The following ATP2A1 variants were observed in gnomAD, a reference collection of about 807,000 sequenced individuals.
The protein encoded by ATP2A1 is sarcoplasmic/endoplasmic reticulum calcium ATPase 1.
In ATP2A1, 83 loss-of-function variants were observed where a neutral mutation model predicts 109.5. The observed-to-expected ratio is 0.76, with a 90% CI of 0.63 to 0.91. The LOEUF (loss-of-function observed/expected upper bound fraction) is 0.91. Ranked by LOEUF, ATP2A1 falls within the 40% of genes least tolerant of loss-of-function variation. The pLI is 0.00. For synonymous variants in ATP2A1, 505 were observed against 537.6 expected, an observed-to-expected ratio of 0.94 and a Z score of 0.84; for missense variants, 1,101 against 1,341.0, an observed-to-expected ratio of 0.82 and a Z score of 2.80.
chr16:28,897,400 G>C lies in ATP2A1; in HGVS notation c.1420-600G>C, dbSNP rs1031657484. On this transcript the variant is annotated intron_variant, in intron 12 of 22. Coordinates refer to ENST00000395503, the MANE Select transcript of ATP2A1 (RefSeq NM_004320.6). ...GTCCCAGCTACTCAGCTGGCTGGGA[G>C]GCTGAGGCAGGAGGATTGCCAGAGC... 1.2e-4 allele frequency among the ~76,000 whole-genome samples: 19 copies of C among 152,128 alleles called. No individual in the cohort carries two copies. The East Asian group carries it at 3.7e-3, about 29-fold the overall frequency.
rs1265707290 is a variant in ATP2A1, at chr16:28,887,405, C to A, written c.631-20C>A. 6.2e-7 allele frequency: 1 copy of A among 1,613,956 alleles called. No individual in the cohort carries two copies. Among genetic ancestry groups the A allele is most frequent in the South Asian group, 1.1e-5 (1 of 91,068 alleles). On this transcript the variant is annotated intron_variant, in intron 7 of 22. Coordinates refer to ENST00000395503, the MANE Select transcript of ATP2A1 (RefSeq NM_004320.6). Reference sequence around the variant, plus strand: ...GGGTCACCTCTTGCCTGATTCCCTGCCTCCTCTTTCCCTTCCCAGGGCACC... The same window carrying A: ...GGGTCACCTCTTGCCTGATTCCCTGACTCCTCTTTCCCTTCCCAGGGCACC...
intron 5 of ATP2A1, 43 bp from the exon 6 acceptor site, chr16:28,884,532 T>A: frequency 6.4e-7 from 1 of 1,560,384 alleles, no homozygotes; most frequent in East Asian, 2.2e-5. Context: ...AGGAAGAAAA[T>A]TCCATTCCCA....
chr16:28,900,916 G>A lies in ATP2A1; in HGVS notation c.2100G>A (p.Met700Ile), dbSNP rs1437927275. 1 of 1,614,152 alleles carries A rather than the reference G, an allele frequency of 6.2e-7. No homozygotes were observed. The highest frequency in any genetic ancestry group is 1.7e-5 in the Admixed American group (1 of 60,022). Residue 700 changes from methionine to isoleucine, a missense_variant and splice_region_variant, in exon 15 of 23, where the codon ATG becomes ATA. By Grantham distance (10) the Met-to-Ile change is conservative (BLOSUM62 1). Transcript: ENST00000395503. The part of the protein sequence containing the change: ...YLQSYDEITA[M>I]TGDGVNDAPA... ...AGTCCTACGATGAGATCACAGCCAT[G>A]GTGAGAGGGCCCAGGCAGCTGCAGC...
In ATP2A1 at chr16:28,902,776, A is replaced by G; in HGVS notation, c.2611-2A>G. The G allele has an allele frequency of 6.2e-7, 1 of 1,613,910 alleles. No homozygotes were observed. Among genetic ancestry groups the G allele is most frequent in the Non-Finnish European group, 8.5e-7 (1 of 1,179,928 alleles). On this transcript the variant is annotated splice_acceptor_variant, in intron 18 of 22. Coordinates refer to ENST00000395503, the MANE Select transcript of ATP2A1 (RefSeq NM_004320.6). LOFTEE classifies it high-confidence loss of function. This position sits in a 1 kb window ranked among gnomAD's most constrained non-coding sequence, Gnocchi z 4.8. ...CCTCAGTCTCCCGTACCTTCCCTGCAGACTCACTTCATGCAGTGCACCGAG... is the reference window on the plus strand; with the variant it reads ...CCTCAGTCTCCCGTACCTTCCCTGCGGACTCACTTCATGCAGTGCACCGAG...
intron 22 of ATP2A1, 71 bp from the exon 23 acceptor site, chr16:28,904,109 G>A: frequency 7.2e-7 from 1 of 1,392,784 alleles, no homozygotes; most frequent in Non-Finnish European, 1.0e-6. Context: ...GTGCGTGCCT[G>A]GGAGATGCAC....
chr16:28,888,180 A>ATG (rs1963673547), intron 8 of ATP2A1, among the ~76,000 whole-genome samples: 2 of 151,760 alleles, frequency 1.3e-5, no homozygotes, highest in Non-Finnish European at 2.9e-5. Flanking sequence ...TTACAGGTGC[A>ATG]CGCCACCATG....
chr16:28,902,831 T>C lies in ATP2A1; in HGVS notation c.2664T>C (p.Cys888=). ...EDNTHFEGID[C]EVFEAPEPMT... ...ACACCCACTTTGAGGGCATAGACTG[T>C]GAGGTCTTCGAGGCCCCCGAGCCCA... Residue 888 remains cysteine, a synonymous_variant, in exon 19 of 23, where the codon TGT becomes TGC. Coordinates refer to ENST00000395503, the MANE Select transcript of ATP2A1 (RefSeq NM_004320.6). The surrounding 1 kb of genome is among the most constrained non-coding windows in gnomAD (Gnocchi z 4.8). 1 of 1,613,854 alleles carries C rather than the reference T, an allele frequency of 6.2e-7. No individual in the cohort carries two copies. Among genetic ancestry groups the C allele is most frequent in the Non-Finnish European group, 8.5e-7 (1 of 1,179,888 alleles).
intron 22 of ATP2A1, 140 bp from the exon 23 acceptor site, chr16:28,904,040 G>A: frequency 4.8e-6 from 4 of 837,586 alleles, no homozygotes; most frequent in Non-Finnish European, 8.0e-6. Context: ...GGGTGTCTGG[G>A]GACGCAGGTG....
intron 3 of ATP2A1, chr16:28,879,985 C>T (rs1273199765): frequency 9.8e-7 from 1 of 1,022,198 alleles, no homozygotes; most frequent in Non-Finnish European, 1.2e-6. Flanking sequence ...GTCGGCGCCC[C>T]TGCCCCGCCC....
chr16:28,903,942 T>C lies in ATP2A1; in HGVS notation c.*37+201T>C. The C allele has an allele frequency of 2.8e-6, 2 of 726,182 alleles. No homozygotes were observed. Among genetic ancestry groups the C allele is most frequent in the Non-Finnish European group, 4.8e-6 (2 of 415,156 alleles). The allele number at this position is 726,182 out of a possible 1,614,324, so 45.0% of individuals were successfully genotyped here. ...AGTTTGGCTCCCAGGCCCTGGGCAGTGCCAGCCTCTGGGCCCGTCTGCTGC... is the reference window on the plus strand; with the variant it reads ...AGTTTGGCTCCCAGGCCCTGGGCAGCGCCAGCCTCTGGGCCCGTCTGCTGC... On this transcript the variant is annotated intron_variant, in intron 22 of 22. Coordinates refer to ENST00000395503, the MANE Select transcript of ATP2A1 (RefSeq NM_004320.6). This position sits in a 1 kb window ranked among gnomAD's most constrained non-coding sequence, Gnocchi z 5.6.
intron 1 of ATP2A1, 54 bp downstream of exon 1, chr16:28,878,843 A>AACACAC: frequency 6.4e-7 from 1 of 1,559,008 alleles, no homozygotes. Context: ...GCACCCCCAA[A>AACACAC]ACACACGCAC....
At chr16:28,879,334 G>A (rs1963380929) in intron 2 of ATP2A1, 167 bp from the exon 3 acceptor site, 1 of 850,278 alleles carries the variant, frequency 1.2e-6, no homozygotes, top group South Asian at 1.5e-5. Flanking sequence ...ACTTTGCCGA[G>A]TCTGTTTCTG....
chr16:28,881,509 G>A, intron 4 of ATP2A1: 1 of 248,816 alleles, frequency 4.0e-6, no homozygotes, highest in Non-Finnish European at 7.9e-6. Flanking sequence ...ATTTTTTGGT[G>A]CTCACTGGTT....
chr16:28,887,862 G>C lies in ATP2A1; in HGVS notation c.928+140G>C, dbSNP rs368838702. 156 of 1,133,062 alleles carry C rather than the reference G, an allele frequency of 1.4e-4. No homozygotes were observed. In the East Asian group the frequency reaches 3.8e-3, roughly 28 times the overall value. The allele number at this position is 1,133,062 out of a possible 1,614,324, so 70.2% of individuals were successfully genotyped here. Reference sequence around the variant, plus strand: ...GTCACCCAGGCTGGAGTGCAGTGGCGTGATCTCGGCTCACTGCAAGCTCCG... The same window carrying C: ...GTCACCCAGGCTGGAGTGCAGTGGCCTGATCTCGGCTCACTGCAAGCTCCG... On this transcript the variant is annotated intron_variant, in intron 8 of 22. Coordinates refer to ENST00000395503, the MANE Select transcript of ATP2A1 (RefSeq NM_004320.6).
In ATP2A1 at chr16:28,894,191, C is replaced by T. The variant is rs1244091219; in HGVS notation, c.1132C>T (p.Leu378Phe). Residue 378 changes from leucine (L) to phenylalanine (F), a missense_variant, in exon 10 of 23, where the codon CTC (leucine) becomes TTC (phenylalanine). Transcript: ENST00000395503. ...TGACAAGGTGGATGGGGACATCTGCCTCCTGAATGAGTTCTCCATCACCGG... is the reference window on the plus strand; with the variant it reads ...TGACAAGGTGGATGGGGACATCTGCTTCCTGAATGAGTTCTCCATCACCGG... ...IIDKVDGDICLLNEFSITGST... is the reference protein window; with the variant it reads ...IIDKVDGDICFLNEFSITGST... 1.2e-6 allele frequency: 2 copies of T among 1,613,974 alleles called. No homozygotes were observed. Among genetic ancestry groups the T allele is most frequent in the South Asian group, 2.2e-5 (2 of 91,060 alleles).
Position 28,902,470 on chromosome 16 carries a change from G to A in ATP2A1, c.2524+84G>A. The A allele has an allele frequency of 1.3e-6, 2 of 1,570,592 alleles. No individual in the cohort carries two copies. The highest frequency in any genetic ancestry group is 2.3e-5 in the South Asian group (2 of 87,474). On this transcript the variant is annotated intron_variant, in intron 17 of 22. Coordinates refer to ENST00000395503, the MANE Select transcript of ATP2A1 (RefSeq NM_004320.6). This position sits in a 1 kb window ranked among gnomAD's most constrained non-coding sequence, Gnocchi z 4.8. Reference sequence around the variant, plus strand: ...ACACCAGCTCCCCCATGCAGGTGCTGAGAGGGTCTTCTTCCTTGGCCAGCC... The same window carrying A: ...ACACCAGCTCCCCCATGCAGGTGCTAAGAGGGTCTTCTTCCTTGGCCAGCC...
chr16:28,897,894 C>T, intron 12 of ATP2A1, 106 bp from the exon 13 acceptor site: 1 of 1,422,048 alleles, frequency 7.0e-7, no homozygotes, highest in Non-Finnish European at 9.8e-7. Flanking sequence ...GCTATAGGGA[C>T]CAGACTTAGT....
At position 28,903,243 on chromosome 16, in the gene ATP2A1, T is replaced by C. The variant is rs1331431696; in HGVS notation, c.2863-80T>C. 6.4e-7 allele frequency: 1 copy of C among 1,570,910 alleles called. No homozygotes were observed. Among genetic ancestry groups the C allele is most frequent in the East Asian group, 2.2e-5 (1 of 44,598 alleles). On this transcript the variant is annotated intron_variant, in intron 20 of 22. Coordinates refer to ENST00000395503, the MANE Select transcript of ATP2A1 (RefSeq NM_004320.6). This position sits in a 1 kb window ranked among gnomAD's most constrained non-coding sequence, Gnocchi z 5.6. ...CACCAGGGGCGCCGATGTGGGAGGCTGGTGGGAGTGGGCTGGGCAGTGCTG... is the reference window on the plus strand; with the variant it reads ...CACCAGGGGCGCCGATGTGGGAGGCCGGTGGGAGTGGGCTGGGCAGTGCTG...
In ATP2A1 at chr16:28,904,209, T is replaced by A. The variant is rs1335113498; in HGVS notation, c.*67T>A. 6.2e-7 allele frequency: 1 copy of A among 1,613,488 alleles called. No homozygotes were observed. The highest frequency in any genetic ancestry group is 2.2e-5 in the East Asian group (1 of 44,870). On this transcript the variant is annotated 3_prime_UTR_variant, in exon 23 of 23. Coordinates refer to ENST00000395503, the MANE Select transcript of ATP2A1 (RefSeq NM_004320.6). ...AGAAGATGAAAGAAGGAAGTGAGCATCCTTTTGCTCTGTCCTCCCCACCCC... is the reference window on the plus strand; with the variant it reads ...AGAAGATGAAAGAAGGAAGTGAGCAACCTTTTGCTCTGTCCTCCCCACCCC...
Sources: gnomAD v4.1 joint callset for allele counts (sites outside exome capture counted in the v4.1 genomes callset) on GRCh38, gnomAD v4.1.1 for gene constraint, Gnocchi (gnomAD v3.1) non-coding constraint, MANE v1.5 for transcripts, NCBI Gene and HGNC (gene_info 2026-07-23, HGNC 2026-07-21) for gene names.